PEDS1: variants seen among roughly 807,000 people sequenced by gnomAD.
The protein encoded by PEDS1 is CarF homolog.
PEDS1 carries 14 observed loss-of-function variants against 35.2 expected under a neutral mutation model. That is an observed-to-expected ratio of 0.40 (90% CI 0.26 to 0.62). The LOEUF is 0.62. PEDS1 is among the 20% of genes least tolerant of loss of function. PEDS1 has a pLI of 0.44. For synonymous variants in PEDS1, 152 were observed against 152.0 expected, an observed-to-expected ratio of 1.00 and a Z score of 0.00; for missense variants, 260 against 367.8, an observed-to-expected ratio of 0.71 and a Z score of 2.40.
chr20:50,126,217 T>A (rs2081101927), intron 5 of PEDS1, among the ~76,000 whole-genome samples: 1 of 152,200 alleles, frequency 6.6e-6, no homozygotes, highest in African/African-American at 2.4e-5. Flanking sequence ...AGGTGCTGAA[T>A]AAATATTGCT....
At chr20:50,141,337 T>C (rs1271457005) in intron 2 of PEDS1, among the ~76,000 whole-genome samples, 1 of 152,260 alleles carries the variant, frequency 6.6e-6, no homozygotes, top group Non-Finnish European at 1.5e-5. Context: ...AGCATGGGGC[T>C]TGGCACATAG....
Position 50,128,163 on chromosome 20 carries a change from CA to C in PEDS1, c.502del (p.Trp168GlyfsTer8). 2 of 1,614,074 alleles carry C rather than the reference CA, an allele frequency of 1.2e-6. No homozygotes were observed. The highest frequency in any genetic ancestry group is 1.7e-6 in the Non-Finnish European group (2 of 1,180,028). On this transcript the variant is annotated frameshift_variant, in exon 5 of 6. Transcript: ENST00000371652. LOFTEE classifies it high-confidence loss of function. The surrounding 1 kb of genome is among the most constrained non-coding windows in gnomAD (Gnocchi z 5.2). Reference sequence around the variant, plus strand: ...GATCAGGCAGAAGACGAAGCACTCCCAGGGGTATAGCTGCTCCAGGGCTTCT... The same window carrying C: ...GATCAGGCAGAAGACGAAGCACTCCCGGGGTATAGCTGCTCCAGGGCTTCT... ...SPEALEQLYP[W>X]ECFVFCLIIF...
intron 2 of PEDS1, among the ~76,000 whole-genome samples, chr20:50,138,767 T>C (rs2081261776): frequency 6.6e-6 from 1 of 152,140 alleles, no homozygotes; most frequent in Non-Finnish European, 1.5e-5. Flanking sequence ...AGCTTTGGGG[T>C]GGTGGCAGCT....
rs1569045223 is a variant in PEDS1, at chr20:50,136,100, A to ATTT, written c.242-5154_242-5153insAAA. 1.5e-4 allele frequency among the ~76,000 whole-genome samples: 23 copies of ATTT among 151,180 alleles called. No individual in the cohort carries two copies. In the East Asian group the frequency reaches 2.5e-3, roughly 17 times the overall value. The stretch of plus-strand genomic sequence containing the variant: ...GTTAAGATGTCAACTACTTTTTTTA[A>ATTT]AAAAAAAAACCTGATATTTATTGAG... On this transcript the variant is annotated intron_variant, in intron 2 of 5. Coordinates refer to ENST00000371652, the MANE Select transcript of PEDS1 (RefSeq NM_199129.4).
Position 50,153,534 on chromosome 20 carries a change from G to A in PEDS1, c.104C>T (p.Ala35Val), listed in dbSNP as rs1220105868. 2.5e-5 allele frequency: 36 copies of A among 1,425,458 alleles called. No individual in the cohort carries two copies. The highest frequency in any genetic ancestry group is 3.2e-5 in the Non-Finnish European group (35 of 1,082,982). The allele number at this position is 1,425,458 out of a possible 1,614,324, so 88.3% of individuals were successfully genotyped here. The change falls in exon 1 of 6, where the codon GCT (alanine) becomes GTT (valine). Residue 35 changes from alanine (A) to valine (V), a missense_variant. Ala to Val is a moderately conservative substitution (Grantham distance 64, BLOSUM62 0). This residue lies in a region of PEDS1 where 114 missense variants were observed against 121.6 expected (regional missense o/e 0.94). Coordinates refer to ENST00000371652, the MANE Select transcript of PEDS1 (RefSeq NM_199129.4). ...GAQHAGAREL[A>V]ALYSPGKRLQ... ...GGTCTTACCTGGCGAGTAGAGCGCA[G>A]CCAGCTCGCGGGCCCCGGCGTGCTG...
chr20:50,129,788 C>T lies in PEDS1; in HGVS notation c.334-98G>A. The stretch of plus-strand genomic sequence containing the variant: ...CATTCACCCTGGGCTCACCTCCCGC[C>T]TTTGATCCTAAGTTTCCTCCACCCG... On this transcript the variant is annotated intron_variant, in intron 3 of 5. Transcript: ENST00000371652. This position sits in a 1 kb window ranked among gnomAD's most constrained non-coding sequence, Gnocchi z 4.2. 2.2e-5 allele frequency: 33 copies of T among 1,529,524 alleles called. No individual in the cohort carries two copies. Among genetic ancestry groups the T allele is most frequent in the Non-Finnish European group, 2.9e-5 (33 of 1,139,320 alleles). The allele number at this position is 1,529,524 out of a possible 1,614,324, so 94.7% of individuals were successfully genotyped here.
chr20:50,129,539 G>A lies in PEDS1; in HGVS notation c.478+7C>T. On this transcript the variant is annotated splice_region_variant and intron_variant, in intron 4 of 5. Coordinates refer to ENST00000371652, the MANE Select transcript of PEDS1 (RefSeq NM_199129.4). This position sits in a 1 kb window ranked among gnomAD's most constrained non-coding sequence, Gnocchi z 4.2. ...CCTCCCAGCCCACCACTAGCTGGGT[G>A]TCTCACCAGGGCTGTGGGTGCGGAA... 6.2e-7 allele frequency: 1 copy of A among 1,614,094 alleles called. No individual in the cohort carries two copies. The highest frequency in any genetic ancestry group is 8.5e-7 in the Non-Finnish European group (1 of 1,179,986).
In PEDS1 at chr20:50,138,765, G is replaced by T. The variant is rs368532730; in HGVS notation, c.241+4737C>A. 1.2e-4 allele frequency among the ~76,000 whole-genome samples: 19 copies of T among 152,338 alleles called. No homozygotes were observed. The East Asian group carries it at 2.1e-3, about 17-fold the overall frequency. The stretch of plus-strand genomic sequence containing the variant: ...AGAAGCCTCTTTGTCCCAGCTTTGG[G>T]GTGGTGGCAGCTGGCAGCCGGCTCC... On this transcript the variant is annotated intron_variant, in intron 2 of 5. Transcript: ENST00000371652.
intron 2 of PEDS1, among the ~76,000 whole-genome samples, chr20:50,139,745 T>C (rs923383870): frequency 3.3e-5 from 5 of 151,186 alleles, no homozygotes; most frequent in African/African-American, 1.2e-4. Context: ...AATGGGGCGA[T>C]CTTGGCTCAC....
Position 50,123,452 on chromosome 20 carries a change from G to T in PEDS1, c.*1606C>A, listed in dbSNP as rs1273980457. 1.3e-5 allele frequency: 2 copies of T among 152,180 alleles called. No individual in the cohort carries two copies. Among genetic ancestry groups the T allele is most frequent in the Non-Finnish European group, 2.9e-5 (2 of 68,072 alleles). The allele number at this position is 152,180 out of a possible 1,614,324, so 9.4% of individuals were successfully genotyped here. A position where few individuals can be genotyped will look rare whatever the true frequency, so the allele number is the denominator to read the frequency against. ...GCTAATTTTTGTAAATTTTAGTAGAGACAGGGTTTCACCATGTTGGCCAGG... is the reference window on the plus strand; with the variant it reads ...GCTAATTTTTGTAAATTTTAGTAGATACAGGGTTTCACCATGTTGGCCAGG... On this transcript the variant is annotated 3_prime_UTR_variant, in exon 6 of 6. Transcript: ENST00000371652.
At chr20:50,138,330 C>T (rs568841652) in intron 2 of PEDS1, among the ~76,000 whole-genome samples, 1 of 152,230 alleles carries the variant, frequency 6.6e-6, no homozygotes, top group African/African-American at 2.4e-5. Flanking sequence ...GCCAGAGACT[C>T]GCTAGAGTCA....
intron 2 of PEDS1, among the ~76,000 whole-genome samples, chr20:50,142,508 G>T (rs2081300978): frequency 6.6e-6 from 1 of 152,178 alleles, no homozygotes. Flanking sequence ...CGTGATCTTG[G>T]CTCACTGCAA....
At chr20:50,152,198 A>C (rs115558488) in intron 1 of PEDS1, among the ~76,000 whole-genome samples, 124 of 152,272 alleles carry the variant, frequency 8.1e-4, no homozygotes, top group African/African-American at 3.0e-3. Context: ...CATACAGAGA[A>C]TGGAGTGGTC....
chr20:50,144,837 G>A (rs1236045737), intron 1 of PEDS1, among the ~76,000 whole-genome samples: 1 of 151,944 alleles, frequency 6.6e-6, no homozygotes, highest in African/African-American at 2.4e-5. Context: ...AGTTAAGACC[G>A]GCTTTTCCCT....
chr20:50,140,404 C>T (rs2081280281), intron 2 of PEDS1, among the ~76,000 whole-genome samples: 1 of 152,272 alleles, frequency 6.6e-6, no homozygotes, highest in Admixed American at 6.5e-5. Flanking sequence ...ATATCCAGAC[C>T]AGGCCCTCAT....
In PEDS1 at chr20:50,148,191, G is replaced by A. The variant is rs192761333; in HGVS notation, c.122-4570C>T. ...TCTCAGCACCCCTCACCACCTCCTG[G>A]AGCTAGGGACCCTCTGTCCCATCCT... On this transcript the variant is annotated intron_variant, in intron 1 of 5. Transcript: ENST00000371652. Among the ~76,000 whole-genome samples, 262 of 152,322 alleles carry A rather than the reference G, an allele frequency of 1.7e-3. 1 individual carries two copies. The highest frequency in any genetic ancestry group is 0.017 in the Middle Eastern group (5 of 294).
rs2081131503 is a variant in PEDS1, at chr20:50,128,144, G to A, written c.522C>T (p.Cys174=). ...TGGTGAAGGTGCCGAAGATGATCAG[G>A]CAGAAGACGAAGCACTCCCAGGGGT... ...QLYPWECFVF[C]LIIFGTFTNQ... Residue 174 remains cysteine (C), a synonymous_variant, in exon 5 of 6, where the codon TGC becomes TGT. Coordinates refer to ENST00000371652, the MANE Select transcript of PEDS1 (RefSeq NM_199129.4). The surrounding 1 kb of genome is among the most constrained non-coding windows in gnomAD (Gnocchi z 5.2). 1 of 1,614,016 alleles carries A rather than the reference G, an allele frequency of 6.2e-7. No homozygotes were observed. The highest frequency in any genetic ancestry group is 1.7e-5 in the Admixed American group (1 of 60,002).
At chr20:50,125,564 CTATCTATCT>C (rs2081092386) in intron 5 of PEDS1, among the ~76,000 whole-genome samples, 2 of 151,438 alleles carry the variant, frequency 1.3e-5, no homozygotes, top group Non-Finnish European at 2.9e-5. Flanking sequence ...ATCTATCTAT[CTATCTATCT>C]ATCTATCTAT....
At chr20:50,142,679 T>TCCG (rs1198376748) in intron 2 of PEDS1, among the ~76,000 whole-genome samples, 7 of 50,322 alleles carry the variant, frequency 1.4e-4, no homozygotes, top group African/African-American at 7.8e-4. Context: ...CCTCAAGTCA[T>TCCG]CCGCCCCCCC....
Sources: gnomAD v4.1 joint callset for allele counts (sites outside exome capture counted in the v4.1 genomes callset) on GRCh38, gnomAD v4.1.1 for gene constraint, gnomAD v4.1.1 regional missense constraint, Gnocchi (gnomAD v3.1) non-coding constraint, MANE v1.5 for transcripts, NCBI Gene and HGNC (gene_info 2026-07-23, HGNC 2026-07-21) for gene names.